Variants in STC2 observed in about 807,000 individuals in gnomAD.
The protein encoded by STC2 is stanniocalcin 2, also known as stanniocalcin-2.
STC2 carries 7 observed loss-of-function variants against 22.7 expected under a neutral mutation model. The observed-to-expected ratio is 0.31, with a 90% confidence interval of 0.18 to 0.58. The LOEUF (loss-of-function observed/expected upper bound fraction) is 0.58. Ranked by LOEUF, STC2 falls within the 20% of genes least tolerant of loss-of-function variation. The probability of loss-of-function intolerance (pLI) is 0.89; values close to 1 mark genes in which losing one functional copy is unlikely to be tolerated. For missense variants in STC2, 336 were observed against 406.2 expected (o/e 0.83, Z 1.48); for synonymous variants, 158 against 163.4 (o/e 0.97, Z 0.25).
chr5:173,327,971 C>G, intron 1 of STC2, 72 bp downstream of exon 1: 1 of 1,393,910 alleles, frequency 7.2e-7, no homozygotes, highest in South Asian at 1.9e-5. Context: ...CGGCGAAACG[C>G]CTGGGGCGCG....
At position 173,315,103 on chromosome 5, in the gene STC2, T is replaced by C. The variant is rs1484805867; in HGVS notation, c.*2744A>G. ...AAGGAGAGGTGTTCAGATCATCTTG[T>C]TAAGATGCAGAGCTCAAAATAAACA... On this transcript the variant is annotated 3_prime_UTR_variant, in exon 4 of 4. Transcript: ENST00000265087. The C allele has an allele frequency of 6.6e-6, 1 of 152,228 alleles. No homozygotes were observed. The highest frequency in any genetic ancestry group is 1.5e-5 in the Non-Finnish European group (1 of 68,052). The allele number at this position is 152,228 out of a possible 1,614,324, so 9.4% of individuals were successfully genotyped here. A position where few individuals can be genotyped will look rare whatever the true frequency, so the allele number is the denominator to read the frequency against.
rs1362057517 is a variant in STC2, at chr5:173,325,770, G to A, written c.294+98C>T. 24 of 1,549,874 alleles carry A rather than the reference G, an allele frequency of 1.5e-5. No homozygotes were observed. The East Asian group carries it at 2.0e-4, about 13-fold the overall frequency. On this transcript the variant is annotated intron_variant, in intron 2 of 3. Transcript: ENST00000265087. The surrounding 1 kb of genome is among the most constrained non-coding windows in gnomAD (Gnocchi z 4.7). ...TTGCAAGCACTAAAACACACCACAA[G>A]GAACAGCAAAGGAAGTTGGTTAACA...
In STC2 at chr5:173,323,140, A is replaced by C; in HGVS notation, c.506+79T>G. On this transcript the variant is annotated intron_variant, in intron 3 of 3. Coordinates refer to ENST00000265087, the MANE Select transcript of STC2 (RefSeq NM_003714.3). This position sits in a 1 kb window ranked among gnomAD's most constrained non-coding sequence, Gnocchi z 5.4. Reference sequence around the variant, plus strand: ...GACAGGCATTCAGCCTCTAGAAGCAACGCGGCTCTCCTCCCATACACATTG... The same window carrying C: ...GACAGGCATTCAGCCTCTAGAAGCACCGCGGCTCTCCTCCCATACACATTG... 7.1e-7 allele frequency: 1 copy of C among 1,404,760 alleles called. No homozygotes were observed. Among genetic ancestry groups the C allele is most frequent in the Non-Finnish European group, 1.0e-6 (1 of 998,360 alleles). The allele number at this position is 1,404,760 out of a possible 1,614,324, so 87.0% of individuals were successfully genotyped here.
chr5:173,318,388 G>T, intron 3 of STC2, 139 bp from the exon 4 acceptor site: 1 of 898,978 alleles, frequency 1.1e-6, no homozygotes, highest in Non-Finnish European at 1.5e-6. Context: ...CTTGGGTTCG[G>T]TGGAAGATCT....
intron 1 of STC2, among the ~76,000 whole-genome samples, chr5:173,326,953 A>G: frequency 6.6e-6 from 1 of 152,008 alleles, no homozygotes; most frequent in East Asian, 1.9e-4. Context: ...CATCAGATTA[A>G]ATCTAGCCAG....
chr5:173,318,779 C>A (rs545767446), intron 3 of STC2, among the ~76,000 whole-genome samples: 1 of 152,292 alleles, frequency 6.6e-6, no homozygotes, highest in East Asian at 1.9e-4. Flanking sequence ...CCCAAGAAAC[C>A]ATTTTCCCCA....
Position 173,328,393 on chromosome 5 carries a change from G to T in STC2, c.-200C>A. 2.2e-6 allele frequency: 1 copy of T among 456,340 alleles called. No individual in the cohort carries two copies. Among genetic ancestry groups the T allele is most frequent in the Non-Finnish European group, 3.6e-6 (1 of 274,132 alleles). 28.3% of individuals were successfully genotyped at this position (456,340 alleles called of 1,614,324 possible). On this transcript the variant is annotated 5_prime_UTR_variant, in exon 1 of 4. It adds an upstream start codon to the 5' untranslated region. Transcript: ENST00000265087. ...TAGCTCTCCGGAGAGCATGTGACCA[G>T]GCCGTTAGCAGCGCCGCGAGTGCCC...
intron 3 of STC2, among the ~76,000 whole-genome samples, chr5:173,320,177 C>T (rs1762467441): frequency 6.6e-6 from 1 of 152,178 alleles, no homozygotes; most frequent in African/African-American, 2.4e-5. Context: ...ATGCTGTCTT[C>T]AAGCTCCTTT....
intron 3 of STC2, 27 bp from the exon 4 acceptor site, chr5:173,318,276 G>C: frequency 7.5e-7 from 1 of 1,341,414 alleles, no homozygotes; most frequent in East Asian, 2.6e-5. Context: ...AAGAGAGAGA[G>C]AGAGAGAGAG....
At chr5:173,321,417 C>A (rs540109839) in intron 3 of STC2, among the ~76,000 whole-genome samples, 7 of 152,166 alleles carry the variant, frequency 4.6e-5, no homozygotes, top group East Asian at 1.9e-4. Flanking sequence ...GTGAAGCTCA[C>A]GGTGTTTCCT....
At position 173,325,970 on chromosome 5, in the gene STC2, C is replaced by A. The variant is rs1762541074; in HGVS notation, c.192G>T (p.Gly64=). 6.2e-7 allele frequency: 1 copy of A among 1,614,194 alleles called. No individual in the cohort carries two copies. The highest frequency in any genetic ancestry group is 1.3e-5 in the African/African-American group (1 of 75,036). ...QHCLVNAGDV[G]CGVFECFENN... is the part of the protein sequence containing the mutation. The stretch of plus-strand genomic sequence containing the variant: ...TCTCGAAACATTCAAACACGCCACA[C>A]CCCACATCGCCAGCGTTGACCAAAC... Residue 64 remains glycine, a synonymous_variant, in exon 2 of 4, where the codon GGG becomes GGT. Transcript: ENST00000265087. This position sits in a 1 kb window ranked among gnomAD's most constrained non-coding sequence, Gnocchi z 4.7.
rs1202200230 is a variant in STC2 at position 173,315,432 on chromosome 5, C to A, written c.*2415G>T. On this transcript the variant is annotated 3_prime_UTR_variant, in exon 4 of 4. Coordinates refer to ENST00000265087, the MANE Select transcript of STC2 (RefSeq NM_003714.3). ...GGCATGAAAAATATACAACAGAGAT[C>A]AGTAAATGGGTTCAAATGAACACAG... is the stretch of plus-strand genomic sequence containing the variant. The A allele has an allele frequency of 6.6e-6, 1 of 152,172 alleles. No homozygotes were observed. The highest frequency in any genetic ancestry group is 1.5e-5 in the Non-Finnish European group (1 of 68,020). The allele number at this position is 152,172 out of a possible 1,614,324, so 9.4% of individuals were successfully genotyped here.
chr5:173,322,920 T>C, intron 3 of STC2: 1 of 418,010 alleles, frequency 2.4e-6, no homozygotes, highest in Non-Finnish European at 4.5e-6. Context: ...AGCTAGTGGG[T>C]TCTTGGCTAA....
Position 173,323,484 on chromosome 5 carries a change from G to T in STC2, c.295-54C>A. The T allele has an allele frequency of 6.7e-7, 1 of 1,493,400 alleles. No individual in the cohort carries two copies. Among genetic ancestry groups the T allele is most frequent in the Non-Finnish European group, 9.1e-7 (1 of 1,094,616 alleles). The allele number at this position is 1,493,400 out of a possible 1,614,324, so 92.5% of individuals were successfully genotyped here. Reference sequence around the variant, plus strand: ...AGAGGGGCAGAAAGCAGAAGACCTCGTTACATGCTTGGACATTTCAGCCCT... The same window carrying T: ...AGAGGGGCAGAAAGCAGAAGACCTCTTTACATGCTTGGACATTTCAGCCCT... On this transcript the variant is annotated intron_variant, in intron 2 of 3. Coordinates refer to ENST00000265087, the MANE Select transcript of STC2 (RefSeq NM_003714.3). This position sits in a 1 kb window ranked among gnomAD's most constrained non-coding sequence, Gnocchi z 5.4.
rs1179642656 is a variant in STC2, at chr5:173,320,658, G to C, written c.507-2409C>G. 4.0e-5 allele frequency among the ~76,000 whole-genome samples: 6 copies of C among 151,636 alleles called. No individual in the cohort carries two copies. In the East Asian group the frequency reaches 1.2e-3, roughly 29 times the overall value. Reference sequence around the variant, plus strand: ...GGGCGGGCAGGAAGGGGTGAGGGGAGCGGAGAGGAAGAGCTTGAAAAGAGC... The same window carrying C: ...GGGCGGGCAGGAAGGGGTGAGGGGACCGGAGAGGAAGAGCTTGAAAAGAGC... On this transcript the variant is annotated intron_variant, in intron 3 of 3. Coordinates refer to ENST00000265087, the MANE Select transcript of STC2 (RefSeq NM_003714.3).
At chr5:173,326,108 A>T (rs1434807241) in intron 1 of STC2, 98 bp from the exon 2 acceptor site, 24 of 1,393,618 alleles carry the variant, frequency 1.7e-5, no homozygotes, top group Non-Finnish European at 2.4e-5. Context: ...CTAAAGGAAA[A>T]TTTAAGGAGG....
At chr5:173,321,724 A>G (rs942484856) in intron 3 of STC2, among the ~76,000 whole-genome samples, 5 of 152,144 alleles carry the variant, frequency 3.3e-5, no homozygotes, top group Admixed American at 2.6e-4. Context: ...GGGCATAGTA[A>G]TTTCTATCTT....
chr5:173,326,150 CT>C, intron 1 of STC2, 140 bp from the exon 2 acceptor site: 2 of 907,984 alleles, frequency 2.2e-6, no homozygotes, highest in East Asian at 5.3e-5. Flanking sequence ...ATTTCAGGAC[CT>C]AAAAAGCCTG....
chr5:173,327,601 A>G (rs1405922500), intron 1 of STC2, among the ~76,000 whole-genome samples: 2 of 152,238 alleles, frequency 1.3e-5, no homozygotes, highest in African/African-American at 4.8e-5. Context: ...GAGGGGGAAG[A>G]CGCGGCACCC....
Sources: gnomAD v4.1 joint callset for allele counts (sites outside exome capture counted in the v4.1 genomes callset) on GRCh38, gnomAD v4.1.1 for gene constraint, Gnocchi (gnomAD v3.1) non-coding constraint, MANE v1.5 for transcripts, NCBI Gene and HGNC (gene_info 2026-07-23, HGNC 2026-07-21) for gene names.